Variants in CPT1B observed in about 807,000 individuals in gnomAD.
The protein encoded by CPT1B is carnitine palmitoyltransferase 1B, also known as carnitine O-palmitoyltransferase 1, muscle isoform.
A neutral mutation model predicts 92.7 loss-of-function variants in CPT1B; 57 were observed. The ratio of observed to expected loss-of-function variants is 0.62; its 90% CI spans 0.50 to 0.77. CPT1B has a LOEUF of 0.77. Ranked by LOEUF, CPT1B falls within the 30% of genes least tolerant of loss-of-function variation. CPT1B has a pLI of 0.00. For missense variants in CPT1B, 983 were observed against 1,017.4 expected, an observed-to-expected ratio of 0.97 and a Z score of 0.46; for synonymous variants, 398 against 383.5, an observed-to-expected ratio of 1.04 and a Z score of -0.44.
Position 50,572,909 on chromosome 22 carries a change from C to T in CPT1B, c.1318G>A (p.Gly440Ser), listed in dbSNP as rs1164363873. The change falls in exon 11 of 20, where the codon GGC becomes AGC. Residue 440 changes from glycine to serine, a missense_variant. Gly to Ser is a moderately conservative substitution (Grantham distance 56). Transcript: ENST00000312108. Reference sequence around the variant, plus strand: ...CAGTTGCCATGTAGCAGGGCCTTGCCATAGAGGCTGAGGCTGGCCTCATCT... The same window carrying T: ...CAGTTGCCATGTAGCAGGGCCTTGCTATAGAGGCTGAGGCTGGCCTCATCT... ...PEDEASLSLY[G>S]KALLHGNCYN... 1 of 1,611,374 alleles carries T rather than the reference C, an allele frequency of 6.2e-7. No individual in the cohort carries two copies. Among genetic ancestry groups the T allele is most frequent in the Non-Finnish European group, 8.5e-7 (1 of 1,177,806 alleles).
At chr22:50,571,981 C>T in intron 13 of CPT1B, 25 bp downstream of exon 13, 1 of 1,604,382 alleles carries the variant, frequency 6.2e-7, no homozygotes, top group Non-Finnish European at 8.5e-7. Context: ...TGGTCTCACA[C>T]CTGCTCTGGG....
rs201529992 is a variant in CPT1B at position 50,573,172 on chromosome 22, TGGG to T, written c.1167-115_1167-113del. The T allele has an allele frequency of 2.3e-6, 2 of 857,748 alleles. No homozygotes were observed. The highest frequency in any genetic ancestry group is 1.8e-5 in the African/African-American group (1 of 55,318). 53.1% of individuals were successfully genotyped at this position (857,748 alleles called of 1,614,324 possible). ...TGGGGTGCCAGGCTGGACCTGGAGA[TGGG>T]GGGTACCACGCTGGACCTGGAGATG... On this transcript the variant is annotated intron_variant, in intron 10 of 19. Coordinates refer to ENST00000312108, the MANE Select transcript of CPT1B (RefSeq NM_152246.3). The surrounding 1 kb of genome is among the most constrained non-coding windows in gnomAD (Gnocchi z 5.0).
At chr22:50,577,748 C>G (rs768684892) in intron 2 of CPT1B, 27 bp downstream of exon 2, 1 of 1,606,560 alleles carries the variant, frequency 6.2e-7, no homozygotes, top group Non-Finnish European at 8.5e-7. Flanking sequence ...CCTCTGCCTA[C>G]GCTCTGGGAG....
chr22:50,569,874 A>G (rs1472391564), intron 17 of CPT1B, among the ~76,000 whole-genome samples: 1 of 152,126 alleles, frequency 6.6e-6, no homozygotes, highest in Non-Finnish European at 1.5e-5. Context: ...GGGACCTCCC[A>G]GTTTCCCTCA....
chr22:50,576,888 C>T lies in CPT1B; in HGVS notation c.428G>A (p.Gly143Asp), dbSNP rs757457590. Reference sequence around the variant, plus strand: ...GATCCTGGTCAAGTTGCTGGTCTTGCCATGCATCTCAAACATCCACCCATG... The same window carrying T: ...GATCCTGGTCAAGTTGCTGGTCTTGTCATGCATCTCAAACATCCACCCATG... ...CYHGWMFEMH[G>D]KTSNLTRIWA... The change falls in exon 4 of 20, where the codon GGC becomes GAC. Residue 143 changes from glycine (G) to aspartate (D), a missense_variant. Gly to Asp is a moderately conservative substitution (Grantham distance 94). Transcript: ENST00000312108. The T allele has an allele frequency of 6.2e-7, 1 of 1,614,066 alleles. No individual in the cohort carries two copies.
Position 50,576,537 on chromosome 22 carries a change from C to T in CPT1B, c.560G>A (p.Arg187Gln), listed in dbSNP as rs147502032. The T allele has an allele frequency of 1.2e-4, 193 of 1,600,726 alleles. No homozygotes were observed. The Admixed American group carries it at 3.0e-3, about 25-fold the overall frequency. ...PVPRVSATIQ[R>Q]YLESVRPLLD... ...GGGATGCCCAAGCGAGGCCCTCACC[C>T]GCTGAATTGTGGCTGACACCCTGGG... is the stretch of plus-strand genomic sequence containing the variant. Residue 187 changes from arginine (R) to glutamine (Q), a missense_variant and splice_region_variant, in exon 5 of 20, where the codon CGG becomes CAG. Physicochemically the swap from Arg to Gln is conservative, Grantham distance 43 (BLOSUM62 1). Transcript: ENST00000312108.
intron 19 of CPT1B, 59 bp downstream of exon 19, chr22:50,569,277 T>G (rs1398005082): frequency 1.3e-6 from 2 of 1,550,252 alleles, no homozygotes; most frequent in Non-Finnish European, 1.8e-6. Flanking sequence ...GCCTGTGAGC[T>G]GCCACAGGTC....
intron 5 of CPT1B, 84 bp downstream of exon 5, chr22:50,576,452 C>T (rs1263499751): frequency 1.2e-6 from 2 of 1,602,172 alleles, no homozygotes; most frequent in Middle Eastern, 1.7e-4. Context: ...CTTAAGGCCA[C>T]TCTTTGCACA....
At chr22:50,578,608 G>A (rs2070588540), upstream of CPT1B, 1 of 163,390 alleles carries the variant, frequency 6.1e-6, no homozygotes, top group Non-Finnish European at 1.4e-5. Flanking sequence ...GTTGCTCAAA[G>A]GTCTGGGAGC....
In CPT1B at chr22:50,571,478, A is replaced by T. The variant is rs2070169693; in HGVS notation, c.1637T>A (p.Leu546Ter). 4 of 1,613,578 alleles carry T rather than the reference A, an allele frequency of 2.5e-6. No individual in the cohort carries two copies. Among genetic ancestry groups the T allele is most frequent in the African/African-American group, 1.3e-5 (1 of 74,934 alleles). ...AAAGGGCAGGAACTGGAAGCAGTAC[A>T]ACTCCACGTCGTCTGCCAACGCCTT... ...VAKALADDVE[L>*]YCFQFLPFGK... Residue 546 changes from leucine to a stop codon, truncating the protein, a stop_gained, in exon 14 of 20, where the codon TTG becomes TAG. Coordinates refer to ENST00000312108, the MANE Select transcript of CPT1B (RefSeq NM_152246.3). LOFTEE classifies it high-confidence loss of function.
At chr22:50,574,637 G>A in intron 7 of CPT1B, 37 bp from the exon 8 acceptor site, 1 of 1,561,606 alleles carries the variant, frequency 6.4e-7, no homozygotes, top group Non-Finnish European at 8.8e-7. Flanking sequence ...GGGGGCCTCT[G>A]TCTGGGTGTC....
In CPT1B at chr22:50,573,058, A is replaced by T; in HGVS notation, c.1169T>A (p.Val390Glu). 1.3e-6 allele frequency: 2 copies of T among 1,594,044 alleles called. No homozygotes were observed. Among genetic ancestry groups the T allele is most frequent in the Non-Finnish European group, 1.7e-6 (2 of 1,164,306 alleles). ...KLAALTAGGR[V>E]EWAQARQAFF... ...GGCCTGGCGTGCCTGCGCCCACTCC[A>T]CCCTGAAGCATGGGGCAGGGTAAGC... is the stretch of plus-strand genomic sequence containing the variant. The change falls in exon 11 of 20, where the codon GTG (valine) becomes GAG (glutamate). Residue 390 changes from valine to glutamate, a missense_variant and splice_region_variant. Transcript: ENST00000312108. The surrounding 1 kb of genome is among the most constrained non-coding windows in gnomAD (Gnocchi z 5.0).
intron 17 of CPT1B, 29 bp from the exon 18 acceptor site, chr22:50,569,697 C>T: frequency 1.3e-6 from 2 of 1,563,170 alleles, no homozygotes; most frequent in Non-Finnish European, 1.8e-6. Flanking sequence ...GTGAAGAAGG[C>T]ATAAATCAAA....
Position 50,576,198 on chromosome 22 carries a change from A to G in CPT1B, c.699T>C (p.Tyr233=). Residue 233 remains tyrosine, a splice_region_variant and synonymous_variant, in exon 6 of 20, where the codon TAT becomes TAC. Coordinates refer to ENST00000312108, the MANE Select transcript of CPT1B (RefSeq NM_152246.3). The part of the protein sequence containing the change: ...LVLKSWWASN[Y]VSDWWEEYIY... Reference sequence around the variant, plus strand: ...AGTGAGCCCAGGGGCAGGAACTTACATAGTTACTTGCCCACCATGACTTGA... The same window carrying G: ...AGTGAGCCCAGGGGCAGGAACTTACGTAGTTACTTGCCCACCATGACTTGA... 1 of 1,614,058 alleles carries G rather than the reference A, an allele frequency of 6.2e-7. No individual in the cohort carries two copies. Among genetic ancestry groups the G allele is most frequent in the Non-Finnish European group, 8.5e-7 (1 of 1,180,014 alleles).
chr22:50,572,768 G>T, intron 11 of CPT1B, 107 bp downstream of exon 11: 1 of 1,239,722 alleles, frequency 8.1e-7, no homozygotes, highest in Non-Finnish European at 1.1e-6. Context: ...ACAGGTGTGT[G>T]CCACTGCACC....
At chr22:50,577,676 A>G (rs995250866) in intron 2 of CPT1B, 99 bp downstream of exon 2, 23 of 1,525,344 alleles carry the variant, frequency 1.5e-5, no homozygotes, top group Non-Finnish European at 2.1e-5. Flanking sequence ...TGTACCGGGC[A>G]GAAGTGCCAG....
chr22:50,569,102 C>T, intron 19 of CPT1B, 21 bp from the exon 20 acceptor site: 1 of 483,356 alleles, frequency 2.1e-6, no homozygotes, highest in South Asian at 2.7e-5. Flanking sequence ...ATTACACAGC[C>T]TTATTTTTAT....
Position 50,569,606 on chromosome 22 carries a change from G to A in CPT1B, c.2205C>T (p.His735=), listed in dbSNP as rs749259018. ...CTGAGCTTGAGAACTTGCTGGAGAT[G>A]TGGAAGAAGATCGTGTTCTCGCCTG... is the stretch of plus-strand genomic sequence containing the variant. ...MIAGENTIFF[H]ISSKFSSSET... is the part of the protein sequence containing the mutation. The change falls in exon 18 of 20, where the codon CAC becomes CAT. Residue 735 remains histidine (H), a synonymous_variant. Coordinates refer to ENST00000312108, the MANE Select transcript of CPT1B (RefSeq NM_152246.3). The A allele has an allele frequency of 4.3e-5, 69 of 1,613,922 alleles. No individual in the cohort carries two copies. Among genetic ancestry groups the A allele is most frequent in the Non-Finnish European group, 5.8e-5 (69 of 1,180,008 alleles).
At position 50,576,976 on chromosome 22, in the gene CPT1B, T is replaced by A; in HGVS notation, c.340A>T (p.Thr114Ser). 1 of 1,614,064 alleles carries A rather than the reference T, an allele frequency of 6.2e-7. No individual in the cohort carries two copies. Among genetic ancestry groups the A allele is most frequent in the South Asian group, 1.1e-5 (1 of 91,090 alleles). Reference sequence around the variant, plus strand: ...AAGATGCCCGTCACCCAGACGCCCGTGGAGAAGATGGCCATGCTGAGAAGT... The same window carrying A: ...AAGATGCCCGTCACCCAGACGCCCGAGGAGAAGATGGCCATGCTGAGAAGT... ...RALLSMAIFS[T>S]GVWVTGIFFF... Residue 114 changes from threonine to serine, a missense_variant, in exon 4 of 20, where the codon ACG (threonine) becomes TCG (serine). Physicochemically the swap from Thr to Ser is moderately conservative, Grantham distance 58 (BLOSUM62 1). Coordinates refer to ENST00000312108, the MANE Select transcript of CPT1B (RefSeq NM_152246.3).
Sources: gnomAD v4.1 joint callset for allele counts (sites outside exome capture counted in the v4.1 genomes callset) on GRCh38, gnomAD v4.1.1 for gene constraint, Gnocchi (gnomAD v3.1) non-coding constraint, MANE v1.5 for transcripts, NCBI Gene and HGNC (gene_info 2026-07-23, HGNC 2026-07-21) for gene names.